The following PRMT8 variants were observed in gnomAD, a reference collection of about 807,000 sequenced individuals.
PRMT8 encodes the protein protein arginine methyltransferase 8.
PRMT8 carries 7 observed loss-of-function variants against 47.1 expected under a neutral mutation model. That is an observed-to-expected ratio of 0.15 (90% confidence interval 0.08 to 0.28). The LOEUF is 0.28. PRMT8 is among the 10% of genes least tolerant of loss of function. The pLI, the probability that PRMT8 is intolerant of heterozygous loss-of-function variation, is 1.00. For missense variants in PRMT8, 237 were observed against 505.4 expected (o/e 0.47, Z 5.09); for synonymous variants, 188 against 186.5 (o/e 1.01, Z -0.07).
chr12:3,575,334 T>C (rs1318089642), intron 6 of PRMT8, among the ~76,000 whole-genome samples: 1 of 152,216 alleles, frequency 6.6e-6, no homozygotes, highest in Admixed American at 6.5e-5. Context: ...TGTTTTAAAA[T>C]AAAATTTAAT....
chr12:3,448,059 C>T (rs1047602590), intron 1 of PRMT8, among the ~76,000 whole-genome samples: 6 of 152,154 alleles, frequency 3.9e-5, no homozygotes, highest in East Asian at 3.8e-4. Context: ...GTGGTGTGAT[C>T]GATCATATCT....
At position 3,552,987 on chromosome 12, in the gene PRMT8, C is replaced by A. The variant is rs932418745; in HGVS notation, c.418-664C>A. 3.1e-6 allele frequency: 1 copy of A among 322,088 alleles called. No homozygotes were observed. The highest frequency in any genetic ancestry group is 6.2e-6 in the Non-Finnish European group (1 of 160,358). The allele number at this position is 322,088 out of a possible 1,614,324, so 20.0% of individuals were successfully genotyped here. A position where few individuals can be genotyped will look rare whatever the true frequency, so the allele number is the denominator to read the frequency against. The stretch of plus-strand genomic sequence containing the variant: ...CCTGGGCTGGAGCTTGGCTTCCAAC[C>A]ATTCCCATGAGGGCCTGCTCTCAGG... On this transcript the variant is annotated intron_variant, in intron 3 of 9. Transcript: ENST00000382622. This position sits in a 1 kb window ranked among gnomAD's most constrained non-coding sequence, Gnocchi z 4.5.
At position 3,399,675 on chromosome 12, in the gene PRMT8, C is replaced by T. The variant is rs116995680; in HGVS notation, c.48+18233C>T. ...AAGTTAGGGACAACCATTACAGCAT[C>T]TCCTCCCTCATTCCTTTGGGAGGGC... is the stretch of plus-strand genomic sequence containing the variant. On this transcript the variant is annotated intron_variant, in intron 1 of 9. Coordinates refer to the PRMT8 transcript ENST00000452611. Among the ~76,000 whole-genome samples the T allele has an allele frequency of 8.2e-3, 1,247 of 152,308 alleles. 5 individuals are homozygous for T. The highest frequency in any genetic ancestry group is 0.015 in the Non-Finnish European group (1,006 of 68,032).
intron 1 of PRMT8, among the ~76,000 whole-genome samples, chr12:3,494,412 T>A (rs751683935): frequency 6.6e-6 from 1 of 152,242 alleles, no homozygotes; most frequent in Non-Finnish European, 1.5e-5. Flanking sequence ...ACACCGAGGC[T>A]GAGGTCAAGC....
At chr12:3,445,428 A>G (rs1259848261) in intron 1 of PRMT8, among the ~76,000 whole-genome samples, 1 of 152,212 alleles carries the variant, frequency 6.6e-6, no homozygotes, top group African/African-American at 2.4e-5. Context: ...TTGCTTATAA[A>G]ATGCCATATC....
intron 1 of PRMT8, among the ~76,000 whole-genome samples, chr12:3,418,404 G>A (rs532939270): frequency 1.3e-5 from 2 of 152,330 alleles, no homozygotes; most frequent in East Asian, 3.9e-4. Flanking sequence ...AAATGCTCTG[G>A]CAGGACAGTG....
intron 1 of PRMT8, among the ~76,000 whole-genome samples, chr12:3,467,501 C>A (rs113532181): frequency 0.01 from 1,498 of 149,000 alleles, 30 homozygotes; most frequent in African/African-American, 0.035. Context: ...ACCACAGAGA[C>A]GAGGTTGAGG....
chr12:3,557,412 C>T lies in PRMT8; in HGVS notation c.481+3698C>T, dbSNP rs190856035. Among the ~76,000 whole-genome samples, 210 of 151,908 alleles carry T rather than the reference C, an allele frequency of 1.4e-3. No homozygotes were observed. The highest frequency in any genetic ancestry group is 4.9e-3 in the African/African-American group (201 of 41,396). On this transcript the variant is annotated intron_variant, in intron 4 of 9. Coordinates refer to ENST00000382622, the MANE Select transcript of PRMT8 (RefSeq NM_019854.5). This position sits in a 1 kb window ranked among gnomAD's most constrained non-coding sequence, Gnocchi z 4.7. ...GTGGTGGTTGTGACAAAGGCTGGGG[C>T]GAGGGGCGGGCAGCATGTCTAGTGG...
chr12:3,448,449 T>C lies in PRMT8; in HGVS notation c.48+67007T>C, dbSNP rs187451140. Among the ~76,000 whole-genome samples, 294 of 152,366 alleles carry C rather than the reference T, an allele frequency of 1.9e-3. 2 individuals carry two copies. The highest frequency in any genetic ancestry group is 2.9e-3 in the Non-Finnish European group (198 of 68,028). On this transcript the variant is annotated intron_variant, in intron 1 of 9. Coordinates refer to the PRMT8 transcript ENST00000452611. ...TTAAAATAATAAGCTAACATACATATGTTCAAAACAAAAAATTTAGTGAGA... is the reference window on the plus strand; with the variant it reads ...TTAAAATAATAAGCTAACATACATACGTTCAAAACAAAAAATTTAGTGAGA...
chr12:3,381,454 T>G (rs1229926805), intron 1 of PRMT8: 5 of 1,535,922 alleles, frequency 3.3e-6, no homozygotes, highest in Admixed American at 2.0e-5. Context: ...TAAGTCAGCT[T>G]GTATGGTAAT....
chr12:3,540,625 AG>A lies in PRMT8; in HGVS notation c.96del (p.Gln32HisfsTer34). 2.9e-6 allele frequency: 1 copy of A among 346,854 alleles called. No homozygotes were observed. Among genetic ancestry groups the A allele is most frequent in the Non-Finnish European group, 4.9e-6 (1 of 204,124 alleles). The allele number at this position is 346,854 out of a possible 1,614,324, so 21.5% of individuals were successfully genotyped here. Reference protein sequence around the residue: ...ESTEVNSPPSQPPQPVVPAKP... With the variant: ...ESTEVNSPPSXPPQPVVPAKP... Reference sequence around the variant, plus strand: ...CCTCAGGTGAACAGCCCCCCCTCCCAGCCCCCCCAGCCCGTCGTCCCTGCTA... The same window carrying A: ...CCTCAGGTGAACAGCCCCCCCTCCCACCCCCCCAGCCCGTCGTCCCTGCTA... On this transcript the variant is annotated frameshift_variant, in exon 2 of 10. Transcript: ENST00000382622. LOFTEE classifies it high-confidence loss of function.
In PRMT8 at chr12:3,480,497, G is replaced by A. The variant is rs545992452; in HGVS notation, c.49-60109G>A. Among the ~76,000 whole-genome samples, 7 of 152,240 alleles carry A rather than the reference G, an allele frequency of 4.6e-5. No individual in the cohort carries two copies. In the South Asian group the frequency reaches 1.5e-3, roughly 32 times the overall value. On this transcript the variant is annotated intron_variant, in intron 1 of 9. Transcript: ENST00000452611. Reference sequence around the variant, plus strand: ...AGGAAGAAATGAAAACCAGGAATACGAGGGACTTTAAGGGCAGAAGCATAC... The same window carrying A: ...AGGAAGAAATGAAAACCAGGAATACAAGGGACTTTAAGGGCAGAAGCATAC...
intron 7 of PRMT8, among the ~76,000 whole-genome samples, chr12:3,581,651 G>A (rs1867068406): frequency 6.6e-6 from 1 of 152,220 alleles, no homozygotes. Flanking sequence ...TAGAAACACA[G>A]TGTAATTGGC....
chr12:3,570,995 T>G lies in PRMT8; in HGVS notation c.712+1431T>G, dbSNP rs1866834608. The stretch of plus-strand genomic sequence containing the variant: ...TTTGCCATGTCCTAACTGGGTAACC[T>G]TGAGCAAATTATCTAATACCTTTGG... On this transcript the variant is annotated intron_variant, in intron 6 of 9. Transcript: ENST00000382622. This position sits in a 1 kb window ranked among gnomAD's most constrained non-coding sequence, Gnocchi z 5.5. Among the ~76,000 whole-genome samples, 1 of 152,240 alleles carries G rather than the reference T, an allele frequency of 6.6e-6. No homozygotes were observed.
At position 3,570,518 on chromosome 12, in the gene PRMT8, C is replaced by T. The variant is rs191578863; in HGVS notation, c.712+954C>T. ...CCTGCCCCAACAGGGTGGTCCATTC[C>T]TACTTGGCAAGATTACTGTGGAGGG... On this transcript the variant is annotated intron_variant, in intron 6 of 9. Coordinates refer to ENST00000382622, the MANE Select transcript of PRMT8 (RefSeq NM_019854.5). This position sits in a 1 kb window ranked among gnomAD's most constrained non-coding sequence, Gnocchi z 5.5. Among the ~76,000 whole-genome samples, 106 of 152,314 alleles carry T rather than the reference C, an allele frequency of 7.0e-4. 1 individual carries two copies. The highest frequency in any genetic ancestry group is 2.5e-3 in the African/African-American group (102 of 41,578).
intron 1 of PRMT8, chr12:3,381,585 A>G (rs915782936): frequency 2.1e-5 from 16 of 754,436 alleles, no homozygotes; most frequent in Non-Finnish European, 2.2e-5. Context: ...TTCTAAGTTC[A>G]TAACATGCTG....
Position 3,478,554 on chromosome 12 carries a change from G to A in PRMT8, c.49-62052G>A, listed in dbSNP as rs1362485117. ...ACATGAAAGGAGACTATATATTCCTGAGCTTCTCTAGGTGCTTCTAAGGCA... is the reference window on the plus strand; with the variant it reads ...ACATGAAAGGAGACTATATATTCCTAAGCTTCTCTAGGTGCTTCTAAGGCA... On this transcript the variant is annotated intron_variant, in intron 1 of 9. Coordinates refer to the PRMT8 transcript ENST00000452611. Among the ~76,000 whole-genome samples, 5 of 152,294 alleles carry A rather than the reference G, an allele frequency of 3.3e-5. No homozygotes were observed. The East Asian group carries it at 9.6e-4, about 29-fold the overall frequency.
chr12:3,576,289 G>A lies in PRMT8; in HGVS notation c.713-582G>A, dbSNP rs936428352. ...AGGTGAGAAAACTGAGGTTCAGAGA[G>A]GTTAGGTCATTTGTACAAAGGCTGA... On this transcript the variant is annotated intron_variant, in intron 6 of 9. Transcript: ENST00000382622. The surrounding 1 kb of genome is among the most constrained non-coding windows in gnomAD (Gnocchi z 4.0). Among the ~76,000 whole-genome samples, 1 of 152,216 alleles carries A rather than the reference G, an allele frequency of 6.6e-6. No homozygotes were observed. Among genetic ancestry groups the A allele is most frequent in the Non-Finnish European group, 1.5e-5 (1 of 68,044 alleles).
At chr12:3,522,578 G>A (rs1292626668) in intron 1 of PRMT8, among the ~76,000 whole-genome samples, 4 of 150,812 alleles carry the variant, frequency 2.7e-5, no homozygotes, top group African/African-American at 9.8e-5. Context: ...GCAGAGAATT[G>A]CTTGAACCCA....
Sources: gnomAD v4.1 joint callset for allele counts (sites outside exome capture counted in the v4.1 genomes callset) on GRCh38, gnomAD v4.1.1 for gene constraint, Gnocchi (gnomAD v3.1) non-coding constraint, MANE v1.5 for transcripts, NCBI Gene and HGNC (gene_info 2026-07-23, HGNC 2026-07-21) for gene names.